DLGAP1: variants seen among roughly 807,000 people sequenced by gnomAD.
DLGAP1 encodes the protein disks large-associated protein 1.
Under a neutral mutation model 90.8 loss-of-function variants are expected in DLGAP1, and 11 were observed. The observed-to-expected ratio is 0.12, with a 90% CI of 0.08 to 0.20. DLGAP1 has a LOEUF of 0.20. DLGAP1 is among the 10% of genes least tolerant of loss of function. The pLI is 1.00. For synonymous variants in DLGAP1, 558 were observed against 540.7 expected (o/e 1.03, Z -0.44); for missense variants, 1,050 against 1,333.8 (o/e 0.79, Z 3.31).
chr18:4,450,130 T>G (rs1213879543), intron 1 of DLGAP1, among the ~76,000 whole-genome samples: 1 of 152,190 alleles, frequency 6.6e-6, no homozygotes, highest in Non-Finnish European at 1.5e-5. Context: ...TATCAAAGAA[T>G]GGTTGTTTGC....
rs755109564 is a variant in DLGAP1 at position 4,343,167 on chromosome 18, C to A, written c.-267+111839G>T. ...CTAAAAATACAAAAAATTAGCCGGG[C>A]GTGGTGGCAGGCGCCTGTAGTCCCA... On this transcript the variant is annotated intron_variant, in intron 1 of 12. Coordinates refer to ENST00000315677, the MANE Select transcript of DLGAP1 (RefSeq NM_004746.4). Among the ~76,000 whole-genome samples, 100 of 151,924 alleles carry A rather than the reference C, an allele frequency of 6.6e-4. 1 individual carries two copies. The highest frequency in any genetic ancestry group is 2.2e-3 in the African/African-American group (90 of 41,434).
At chr18:4,238,646 T>C (rs963245165) in intron 1 of DLGAP1, among the ~76,000 whole-genome samples, 2 of 152,156 alleles carry the variant, frequency 1.3e-5, no homozygotes, top group Non-Finnish European at 2.9e-5. Context: ...ATGAACATGA[T>C]GATACAAGAT....
chr18:4,301,817 T>A (rs565316563), intron 1 of DLGAP1, among the ~76,000 whole-genome samples: 1 of 152,348 alleles, frequency 6.6e-6, no homozygotes, highest in East Asian at 1.9e-4. Context: ...CTTTTGTTTT[T>A]TTGATAATAC....
At chr18:3,918,669 C>T (rs957254555) in intron 3 of DLGAP1, among the ~76,000 whole-genome samples, 3 of 152,160 alleles carry the variant, frequency 2.0e-5, no homozygotes, top group Non-Finnish European at 4.4e-5. Context: ...GTTCCAGGGA[C>T]TGGCATTCTG....
At chr18:4,322,469 A>T (rs1244829726) in intron 1 of DLGAP1, among the ~76,000 whole-genome samples, 1 of 152,224 alleles carries the variant, frequency 6.6e-6, no homozygotes, top group Non-Finnish European at 1.5e-5. Flanking sequence ...TGGATTCTTT[A>T]TCACAAACCA....
At chr18:4,154,226 AT>A (rs555943126) in intron 1 of DLGAP1, among the ~76,000 whole-genome samples, 3,027 of 130,324 alleles carry the variant, frequency 0.023, 30 homozygotes, top group African/African-American at 0.032. Flanking sequence ...ACACCCGGCT[AT>A]TTTTTTTTTT....
intron 4 of DLGAP1, among the ~76,000 whole-genome samples, chr18:3,835,137 T>C (rs1195169509): frequency 4.6e-5 from 7 of 152,228 alleles, no homozygotes; most frequent in Admixed American, 4.6e-4. Flanking sequence ...TTATTTTCAA[T>C]GAGATAAAAT....
chr18:4,038,887 T>C (rs2074931182), intron 2 of DLGAP1, among the ~76,000 whole-genome samples: 1 of 152,086 alleles, frequency 6.6e-6, no homozygotes, highest in Non-Finnish European at 1.5e-5. Flanking sequence ...CTTAAAACCT[T>C]ACACATTTAT....
intron 10 of DLGAP1, among the ~76,000 whole-genome samples, chr18:3,531,414 G>A (rs1427377174): frequency 6.6e-6 from 1 of 152,046 alleles, no homozygotes; most frequent in Non-Finnish European, 1.5e-5. Flanking sequence ...TCCAGCCTGG[G>A]TGACAAGAGC....
rs574373958 is a variant in DLGAP1 at position 4,393,961 on chromosome 18, T to C, written c.-267+61045A>G. Among the ~76,000 whole-genome samples the C allele has an allele frequency of 6.8e-5, 9 of 132,450 alleles. No homozygotes were observed. In the East Asian group the frequency reaches 2.0e-3, roughly 29 times the overall value. The allele number at this position is 132,450 out of a possible 152,430, so 86.9% of individuals were successfully genotyped here. ...TCAGGTGGTAATGCTCACTCACCCA[T>C]GGCTCATCTCCTTCCTGCTGTGCGG... On this transcript the variant is annotated intron_variant, in intron 1 of 12. Transcript: ENST00000315677.
At position 3,498,951 on chromosome 18, in the gene DLGAP1, A is replaced by G; in HGVS notation, c.*234T>C. The stretch of plus-strand genomic sequence containing the variant: ...TCTCAGTATGAGGCAGGGCGACGGC[A>G]TCAGGACAGGGGGCGAAGCTCGGTG... On this transcript the variant is annotated 3_prime_UTR_variant, in exon 13 of 13. Coordinates refer to ENST00000315677, the MANE Select transcript of DLGAP1 (RefSeq NM_004746.4). 1.8e-6 allele frequency: 1 copy of G among 543,412 alleles called. No homozygotes were observed. The highest frequency in any genetic ancestry group is 3.2e-5 in the East Asian group (1 of 31,058). 33.7% of individuals were successfully genotyped at this position (543,412 alleles called of 1,614,324 possible).
chr18:3,931,548 G>C (rs1464461886), intron 3 of DLGAP1, among the ~76,000 whole-genome samples: 1 of 152,188 alleles, frequency 6.6e-6, no homozygotes, highest in Non-Finnish European at 1.5e-5. Context: ...TAGGACATGA[G>C]AGTCTACATT....
intron 1 of DLGAP1, among the ~76,000 whole-genome samples, chr18:4,355,954 A>C (rs2081504487): frequency 1.3e-5 from 2 of 151,248 alleles, no homozygotes; most frequent in South Asian, 4.2e-4. Flanking sequence ...CATCTGCTCC[A>C]ATCATAGCTC....
intron 3 of DLGAP1, among the ~76,000 whole-genome samples, chr18:3,926,421 T>TAC (rs1333605478): frequency 6.9e-4 from 89 of 129,614 alleles, no homozygotes; most frequent in Admixed American, 1.0e-3. Flanking sequence ...TATATATATA[T>TAC]ACACACACAC....
chr18:3,541,929 C>T (rs1472660035), intron 9 of DLGAP1, among the ~76,000 whole-genome samples: 2 of 151,964 alleles, frequency 1.3e-5, no homozygotes, highest in African/African-American at 2.4e-5. Flanking sequence ...GGGTAACAGT[C>T]CTATTCACTG....
intron 2 of DLGAP1, among the ~76,000 whole-genome samples, chr18:4,082,509 T>TTAAAAAAAAAAAAA (rs2075624129): frequency 7.2e-5 from 1 of 13,800 alleles, no homozygotes; most frequent in Non-Finnish European, 1.1e-4. Context: ...AGACTTTGTC[T>TTAAAAAAAAAAAAA]CAAAAAAAAA....
chr18:4,150,963 C>T (rs1005500451), intron 2 of DLGAP1, among the ~76,000 whole-genome samples: 17 of 152,288 alleles, frequency 1.1e-4, no homozygotes, highest in African/African-American at 3.8e-4. Context: ...ATATAAAATA[C>T]ATCTGGCCTA....
intron 3 of DLGAP1, among the ~76,000 whole-genome samples, chr18:3,921,991 G>A (rs535297508): frequency 2.2e-4 from 34 of 151,446 alleles, no homozygotes; most frequent in Admixed American, 1.3e-4. Context: ...GACAGTTGCC[G>A]CCTCAGACCT....
chr18:3,933,226 A>C (rs1435144990), intron 3 of DLGAP1, among the ~76,000 whole-genome samples: 2 of 152,214 alleles, frequency 1.3e-5, no homozygotes, highest in East Asian at 3.9e-4. Context: ...AGATAAAGCT[A>C]AAATAAGAGG....
Sources: gnomAD v4.1 joint callset for allele counts (sites outside exome capture counted in the v4.1 genomes callset) on GRCh38, gnomAD v4.1.1 for gene constraint, MANE v1.5 for transcripts, NCBI Gene and HGNC (gene_info 2026-07-23, HGNC 2026-07-21) for gene names.